The following GFOD1 variants were observed in gnomAD, a reference collection of about 807,000 sequenced individuals.
The protein encoded by GFOD1 is glucose-fructose oxidoreductase domain-containing protein 1.
In GFOD1, 9 loss-of-function variants were observed where a neutral mutation model predicts 25.4. The observed-to-expected ratio is 0.35, with a 90% CI of 0.21 to 0.62. The LOEUF (loss-of-function observed/expected upper bound fraction) is 0.62. Among genes scored for constraint, GFOD1 ranks in the 20% least tolerant of loss-of-function variants. The pLI, the probability that GFOD1 is intolerant of heterozygous loss-of-function variation, is 0.72. For synonymous variants in GFOD1, 253 were observed against 245.6 expected (o/e 1.03, Z -0.28); for missense variants, 403 against 556.9 (o/e 0.72, Z 2.78).
In GFOD1 at chr6:13,468,143, A is replaced by G. The variant is rs927032896; in HGVS notation, c.253+18495T>C. 7.5e-4 allele frequency among the ~76,000 whole-genome samples: 114 copies of G among 152,290 alleles called. 1 individual carries two copies. Among genetic ancestry groups the G allele is most frequent in the African/African-American group, 2.6e-3 (109 of 41,562 alleles). On this transcript the variant is annotated intron_variant, in intron 1 of 1. Coordinates refer to ENST00000379287, the MANE Select transcript of GFOD1 (RefSeq NM_018988.4). ...ATTTATAATCCCATTATTTGATAAC[A>G]AGCATCATTAGGATTTGGGCTCCTT... is the stretch of plus-strand genomic sequence containing the variant.
At chr6:13,394,518 A>G (rs1461221216) in intron 1 of GFOD1, among the ~76,000 whole-genome samples, 3 of 107,548 alleles carry the variant, frequency 2.8e-5, no homozygotes, top group Non-Finnish European at 5.3e-5. Context: ...TCTTTTGCCC[A>G]GGCTGGAGTG....
chr6:13,388,745 A>C (rs1380300192), intron 1 of GFOD1, among the ~76,000 whole-genome samples: 2 of 152,220 alleles, frequency 1.3e-5, no homozygotes, highest in Non-Finnish European at 2.9e-5. Flanking sequence ...ACGGCAACAA[A>C]AGCCAACATT....
chr6:13,385,798 G>A (rs559315375), intron 1 of GFOD1, among the ~76,000 whole-genome samples: 1 of 152,288 alleles, frequency 6.6e-6, no homozygotes, highest in East Asian at 1.9e-4. Context: ...CCCACAGAAT[G>A]TACTCTGTGG....
intron 1 of GFOD1, among the ~76,000 whole-genome samples, chr6:13,431,634 C>T (rs573745122): frequency 9.8e-5 from 15 of 152,328 alleles, no homozygotes; most frequent in South Asian, 2.1e-4. Context: ...CTTCTCTGAA[C>T]GGCCCTACTC....
At chr6:13,420,774 G>A (rs1469144074) in intron 1 of GFOD1, among the ~76,000 whole-genome samples, 3 of 152,214 alleles carry the variant, frequency 2.0e-5, no homozygotes, top group Non-Finnish European at 4.4e-5. Flanking sequence ...GGGTCTTTGA[G>A]AGGACATACG....
At chr6:13,369,446 G>A (rs1785106630) in intron 1 of GFOD1, among the ~76,000 whole-genome samples, 1 of 152,122 alleles carries the variant, frequency 6.6e-6, no homozygotes. Flanking sequence ...GGAGTTTTGG[G>A]GAGATCACTT....
At chr6:13,472,756 T>C (rs763471838) in intron 1 of GFOD1, among the ~76,000 whole-genome samples, 1 of 152,230 alleles carries the variant, frequency 6.6e-6, no homozygotes. Flanking sequence ...GACATCAAAT[T>C]AGCCAAGGAA....
At chr6:13,405,879 T>C (rs1323332438) in intron 1 of GFOD1, among the ~76,000 whole-genome samples, 1 of 152,112 alleles carries the variant, frequency 6.6e-6, no homozygotes, top group Non-Finnish European at 1.5e-5. Flanking sequence ...GATTGAGACA[T>C]TGCCACTCCT....
chr6:13,411,881 G>A (rs1324987611), intron 1 of GFOD1, among the ~76,000 whole-genome samples: 1 of 152,362 alleles, frequency 6.6e-6, no homozygotes, highest in Non-Finnish European at 1.5e-5. Flanking sequence ...CCCAGAGCAC[G>A]AGCTTTGGAA....
chr6:13,419,018 G>A (rs1413752476), intron 1 of GFOD1, among the ~76,000 whole-genome samples: 10 of 152,178 alleles, frequency 6.6e-5, no homozygotes, highest in Admixed American at 2.6e-4. Flanking sequence ...GAGTTTGGGA[G>A]CCCCAGCAGG....
At chr6:13,405,639 A>T (rs1004897421) in intron 1 of GFOD1, among the ~76,000 whole-genome samples, 3 of 152,286 alleles carry the variant, frequency 2.0e-5, no homozygotes, top group Non-Finnish European at 4.4e-5. Flanking sequence ...GAAAATATGT[A>T]AGTGGCAGAT....
Position 13,359,563 on chromosome 6 carries a change from A to G in GFOD1, c.*5180T>C, listed in dbSNP as rs1435027876. On this transcript the variant is annotated 3_prime_UTR_variant, in exon 2 of 2. Coordinates refer to ENST00000379287, the MANE Select transcript of GFOD1 (RefSeq NM_018988.4). ...ATCCTTGCCAAATAAAATACAAGTT[A>G]GAGGTCATTGTTCACATTACAGTCA... The G allele has an allele frequency of 1.3e-5, 2 of 152,260 alleles. No homozygotes were observed. The highest frequency in any genetic ancestry group is 2.9e-5 in the Non-Finnish European group (2 of 68,058). The allele number at this position is 152,260 out of a possible 1,614,324, so 9.4% of individuals were successfully genotyped here.
intron 1 of GFOD1, among the ~76,000 whole-genome samples, chr6:13,391,616 C>A (rs1323522941): frequency 2.7e-5 from 4 of 149,548 alleles, no homozygotes; most frequent in Non-Finnish European, 5.9e-5. Flanking sequence ...TCCATTTTTT[C>A]TTTTCAAAAA....
Position 13,449,204 on chromosome 6 carries a change from T to A in GFOD1, c.253+37434A>T, listed in dbSNP as rs1348430208. ...TACTTGGGAGGCTGAGGTAGGAGGA[T>A]TGCTTGAGCCCAGGAGGTTGGGGCT... On this transcript the variant is annotated intron_variant, in intron 1 of 1. Transcript: ENST00000379287. 3.3e-5 allele frequency among the ~76,000 whole-genome samples: 5 copies of A among 152,290 alleles called. No individual in the cohort carries two copies. The South Asian group carries it at 6.2e-4, about 19-fold the overall frequency.
chr6:13,477,633 A>T (rs1758656312), intron 1 of GFOD1, among the ~76,000 whole-genome samples: 2 of 152,046 alleles, frequency 1.3e-5, no homozygotes, highest in African/African-American at 4.8e-5. Flanking sequence ...TATATGTCTT[A>T]AATTTAATAA....
Position 13,409,173 on chromosome 6 carries a change from G to A in GFOD1, c.254-43511C>T, listed in dbSNP as rs1404292924. Among the ~76,000 whole-genome samples the A allele has an allele frequency of 1.2e-3, 59 of 48,792 alleles. 7 individuals carry two copies. The highest frequency in any genetic ancestry group is 4.3e-3 in the African/African-American group (56 of 12,972). 32.0% of individuals were successfully genotyped at this position (48,792 alleles called of 152,430 possible). A position where few individuals can be genotyped will look rare whatever the true frequency, so the allele number is the denominator to read the frequency against. On this transcript the variant is annotated intron_variant, in intron 1 of 1. Coordinates refer to ENST00000379287, the MANE Select transcript of GFOD1 (RefSeq NM_018988.4). ...AGAGAGGAAAGAAAGAAAGGAAAGAGAGAGAGAGAGAGAAAGAAAGAAAGA... is the reference window on the plus strand; with the variant it reads ...AGAGAGGAAAGAAAGAAAGGAAAGAAAGAGAGAGAGAGAAAGAAAGAAAGA...
chr6:13,459,338 C>A (rs1364081592), intron 1 of GFOD1, among the ~76,000 whole-genome samples: 1 of 113,802 alleles, frequency 8.8e-6, no homozygotes, highest in Non-Finnish European at 2.0e-5. Flanking sequence ...CTTCCTTACA[C>A]CTTATACAAA....
rs191586987 is a variant in GFOD1, at chr6:13,366,971, G to T, written c.254-1309C>A. Among the ~76,000 whole-genome samples the T allele has an allele frequency of 6.8e-4, 103 of 151,740 alleles. 1 individual carries two copies. The highest frequency in any genetic ancestry group is 2.5e-3 in the African/African-American group (103 of 41,424). Reference sequence around the variant, plus strand: ...ACCTATAACATTTTAAACAGAAATAGATTTTGCTTTTATGTTATTTAAATA... The same window carrying T: ...ACCTATAACATTTTAAACAGAAATATATTTTGCTTTTATGTTATTTAAATA... On this transcript the variant is annotated intron_variant, in intron 1 of 1. Transcript: ENST00000379287.
intron 1 of GFOD1, among the ~76,000 whole-genome samples, chr6:13,465,819 T>G (rs934555719): frequency 6.6e-6 from 1 of 152,184 alleles, no homozygotes; most frequent in African/African-American, 2.4e-5. Context: ...CTAAAAATGT[T>G]TTAAGGAAAG....
Sources: allele counts gnomAD v4.1 joint callset (sites outside exome capture counted in the v4.1 genomes callset), GRCh38; gene constraint gnomAD v4.1.1; transcripts MANE v1.5; gene names NCBI Gene and HGNC (gene_info 2026-07-23, HGNC 2026-07-21).